Variants in ATP5F1B observed in about 807,000 individuals in gnomAD.
The protein encoded by ATP5F1B is ATP synthase F(1) complex subunit beta, mitochondrial.
A neutral mutation model predicts 45.9 loss-of-function variants in ATP5F1B; 17 were observed. The observed-to-expected ratio is 0.37, with a 90% confidence interval of 0.25 to 0.56. The LOEUF is 0.56. Among genes scored for constraint, ATP5F1B ranks in the 20% least tolerant of loss-of-function variants. The pLI is 0.80. For synonymous variants in ATP5F1B, 218 were observed against 256.5 expected (o/e 0.85, Z 1.43); for missense variants, 387 against 673.2 (o/e 0.57, Z 4.70).
At chr12:56,643,167 G>A in intron 5 of ATP5F1B, 2 of 488,410 alleles carry the variant, frequency 4.1e-6, no homozygotes, top group Non-Finnish European at 7.0e-6. Flanking sequence ...AAGAAAACCT[G>A]GAAATGTTAT....
In ATP5F1B at chr12:56,644,843, C is replaced by A. The variant is rs1424007996; in HGVS notation, c.423G>T (p.Leu141Phe). ...CTCCAATGACATTCATGATTCTGCC[C>A]AAAGTCTCAGGACCAACAGGAATTT... ...PIKIPVGPET[L>F]GRIMNVIGEP... The change falls in exon 3 of 10, where the codon TTG becomes TTT. Residue 141 changes from leucine to phenylalanine, a missense_variant. This residue lies in a region of ATP5F1B where 113 missense variants were observed against 168.0 expected (regional missense o/e 0.67). Coordinates refer to ENST00000262030, the MANE Select transcript of ATP5F1B (RefSeq NM_001686.4). 6.2e-7 allele frequency: 1 copy of A among 1,614,170 alleles called. No individual in the cohort carries two copies. The highest frequency in any genetic ancestry group is 1.7e-5 in the Admixed American group (1 of 60,006).
rs1375950454 is a variant in ATP5F1B at position 56,643,662 on chromosome 12, G to A, written c.608-75C>T. On this transcript the variant is annotated intron_variant, in intron 4 of 9. Transcript: ENST00000262030. ...TAAGCAAACTTCAAAAAAAGTAATTGCTTCCTTCCATCCTATTCCTTCTCA... is the reference window on the plus strand; with the variant it reads ...TAAGCAAACTTCAAAAAAAGTAATTACTTCCTTCCATCCTATTCCTTCTCA... 5 of 1,593,960 alleles carry A rather than the reference G, an allele frequency of 3.1e-6. No homozygotes were observed. The African/African-American group carries it at 6.7e-5, about 21-fold the overall frequency.
Position 56,640,886 on chromosome 12 carries a change from A to C in ATP5F1B, c.1075-694T>G, listed in dbSNP as rs1489301954. 8.7e-5 allele frequency among the ~76,000 whole-genome samples: 13 copies of C among 150,184 alleles called. No individual in the cohort carries two copies. The South Asian group carries it at 2.3e-3, about 27-fold the overall frequency. On this transcript the variant is annotated intron_variant, in intron 7 of 9. Coordinates refer to ENST00000262030, the MANE Select transcript of ATP5F1B (RefSeq NM_001686.4). ...GGTCTCTACTAAAAAAAAAAAAAAA[A>C]ACGGAAACAAAAATTAGCCAGGCAT...
At chr12:56,641,432 T>A (rs1330357437) in intron 7 of ATP5F1B, among the ~76,000 whole-genome samples, 1 of 151,780 alleles carries the variant, frequency 6.6e-6, no homozygotes, top group Non-Finnish European at 1.5e-5. Flanking sequence ...TTACACTGAA[T>A]CATGAAAAGT....
chr12:56,641,193 C>T (rs1380833415), intron 7 of ATP5F1B, among the ~76,000 whole-genome samples: 1 of 151,674 alleles, frequency 6.6e-6, no homozygotes, highest in African/African-American at 2.4e-5. Context: ...GGTGAAACCC[C>T]GTCTCTACTA....
intron 7 of ATP5F1B, among the ~76,000 whole-genome samples, chr12:56,642,075 C>T (rs1418946324): frequency 6.6e-6 from 1 of 151,892 alleles, no homozygotes; most frequent in African/African-American, 2.4e-5. Context: ...TGGCTCATTG[C>T]AACCTCTGCC....
In ATP5F1B at chr12:56,639,995, C is replaced by T; in HGVS notation, c.1272G>A (p.Val424=). The change falls in exon 8 of 10, where the codon GTG becomes GTA. Residue 424 remains valine (V), a synonymous_variant. Coordinates refer to ENST00000262030, the MANE Select transcript of ATP5F1B (RefSeq NM_001686.4). ...GSEHYDVARG[V]QKILQDYKSL... The stretch of plus-strand genomic sequence containing the variant: ...ATATACTCACCTGCAGGATCTTTTG[C>T]ACCCCACGGGCAACATCGTAATGCT... 3 of 1,613,936 alleles carry T rather than the reference C, an allele frequency of 1.9e-6. No individual in the cohort carries two copies. The highest frequency in any genetic ancestry group is 2.5e-6 in the Non-Finnish European group (3 of 1,179,946).
At chr12:56,644,413 C>T (rs1005397457) in intron 3 of ATP5F1B, among the ~76,000 whole-genome samples, 2 of 152,052 alleles carry the variant, frequency 1.3e-5, no homozygotes, top group African/African-American at 4.8e-5. Context: ...GAGTTCGAGA[C>T]CAGCCTGGCC....
rs767468553 is a variant in ATP5F1B, at chr12:56,642,470, G to T, written c.1062C>A (p.Ile354=). ...ERITTTKKGS[I]TSVQAIYVPA... ...TAATTTTTCTTACCTGTACAGAGGTGATAGATCCCTTCTTGGTAGTGGTAA... is the reference window on the plus strand; with the variant it reads ...TAATTTTTCTTACCTGTACAGAGGTTATAGATCCCTTCTTGGTAGTGGTAA... The change falls in exon 7 of 10, where the codon ATC becomes ATA. Residue 354 remains isoleucine (I), a synonymous_variant. Coordinates refer to ENST00000262030, the MANE Select transcript of ATP5F1B (RefSeq NM_001686.4). The T allele has an allele frequency of 2.5e-6, 4 of 1,613,814 alleles. No homozygotes were observed. In the South Asian group the frequency reaches 4.4e-5, roughly 18 times the overall value.
chr12:56,641,228 G>A (rs1353705546), intron 7 of ATP5F1B, among the ~76,000 whole-genome samples: 1 of 151,674 alleles, frequency 6.6e-6, no homozygotes, highest in Non-Finnish European at 1.5e-5. Flanking sequence ...AACCGGGCCT[G>A]GTGTCGGGCA....
At chr12:56,639,534 G>A in intron 8 of ATP5F1B, 1 of 528,570 alleles carries the variant, frequency 1.9e-6, no homozygotes, top group South Asian at 2.0e-5. Flanking sequence ...ACCACTTTGG[G>A]AGGCCACGGT....
rs566970214 is a variant in ATP5F1B at position 56,641,093 on chromosome 12, A to G, written c.1075-901T>C. ...AAAAAATAAAAAAGAGGCTGGGCAC[A>G]GTGGCTCAAGCCTATAATCCCAACA... On this transcript the variant is annotated intron_variant, in intron 7 of 9. Coordinates refer to ENST00000262030, the MANE Select transcript of ATP5F1B (RefSeq NM_001686.4). Among the ~76,000 whole-genome samples the G allele has an allele frequency of 4.0e-5, 6 of 151,844 alleles. No individual in the cohort carries two copies. In the South Asian group the frequency reaches 1.0e-3, roughly 26 times the overall value.
intron 9 of ATP5F1B, among the ~76,000 whole-genome samples, 194 bp downstream of exon 9, chr12:56,638,912 A>G (rs1951491972): frequency 6.6e-6 from 1 of 152,206 alleles, no homozygotes; most frequent in Non-Finnish European, 1.5e-5. Context: ...TATAAAATAA[A>G]AGGGAGCTAG....
intron 4 of ATP5F1B, 111 bp downstream of exon 4, chr12:56,643,726 A>C (rs773807592): frequency 7.3e-5 from 116 of 1,578,444 alleles, no homozygotes; most frequent in Non-Finnish European, 1.0e-4. Flanking sequence ...GAAGAACGAA[A>C]GTCAGAACGT....
intron 8 of ATP5F1B, 103 bp from the exon 9 acceptor site, chr12:56,639,410 T>G (rs772491478): frequency 3.8e-5 from 40 of 1,043,662 alleles, no homozygotes; most frequent in Non-Finnish European, 5.3e-5. Context: ...GGTGGTGGTG[T>G]TATGAGGGCC....
intron 3 of ATP5F1B, among the ~76,000 whole-genome samples, 162 bp from the exon 4 acceptor site, chr12:56,644,120 TCTAACC>T (rs200674520): frequency 0.045 from 6,790 of 152,210 alleles, 207 homozygotes; most frequent in Non-Finnish European, 0.068. Flanking sequence ...TCATCTAGGA[TCTAACC>T]CAACTTTCTG....
Position 56,638,269 on chromosome 12 carries a change from G to A in ATP5F1B, c.*54C>T. On this transcript the variant is annotated 3_prime_UTR_variant, in exon 10 of 10. Transcript: ENST00000262030. ...TCTTGTGCAGCCTACACAGAAAAAT[G>A]AAGCTTTTTGGGTTAGGGGCAAGGA... The A allele has an allele frequency of 6.8e-7, 1 of 1,462,454 alleles. No homozygotes were observed. Among genetic ancestry groups the A allele is most frequent in the Non-Finnish European group, 9.5e-7 (1 of 1,051,558 alleles). The allele number at this position is 1,462,454 out of a possible 1,614,324, so 90.6% of individuals were successfully genotyped here.
chr12:56,645,867 G>A lies in ATP5F1B; in HGVS notation c.97C>T (p.Leu33=), dbSNP rs1309490773. 1.9e-6 allele frequency: 3 copies of A among 1,609,536 alleles called. No homozygotes were observed. The highest frequency in any genetic ancestry group is 1.7e-5 in the Admixed American group (1 of 59,346). ...SASLPPAQLL[L]RAAPTAVHPV... is the part of the protein sequence containing the mutation. ...TGGACCGCCGTCGGAGCGGCCCGCA[G>A]TAAGAGCTGAGCTGGGGGCAGCGAC... The change falls in exon 1 of 10, where the codon CTG becomes TTG. Residue 33 remains leucine, a synonymous_variant. Coordinates refer to ENST00000262030, the MANE Select transcript of ATP5F1B (RefSeq NM_001686.4).
chr12:56,642,752 T>G lies in ATP5F1B; in HGVS notation c.872A>C (p.Glu291Ala). The G allele has an allele frequency of 6.2e-7, 1 of 1,614,152 alleles. No homozygotes were observed. The highest frequency in any genetic ancestry group is 1.1e-5 in the South Asian group (1 of 91,076). The stretch of plus-strand genomic sequence containing the variant: ...TTGACCTTCTTGGTCTCTGAAGTAT[T>G]CAGCCACAGTCAGCCCAGTCAGAGC... ...RVALTGLTVA[E>A]YFRDQEGQDV... Residue 291 changes from glutamate (E) to alanine (A), a missense_variant, in exon 6 of 10, where the codon GAA (glutamate) becomes GCA (alanine). Glu to Ala is a moderately radical substitution (Grantham distance 107). Around this residue, in one of 6 missense-constraint regions of ATP5F1B, gnomAD observed 154 missense variants for 361.4 expected, o/e 0.43. Transcript: ENST00000262030.
Sources: gnomAD v4.1 joint callset for allele counts (sites outside exome capture counted in the v4.1 genomes callset) on GRCh38, gnomAD v4.1.1 for gene constraint, gnomAD v4.1.1 regional missense constraint, MANE v1.5 for transcripts, NCBI Gene and HGNC (gene_info 2026-07-23, HGNC 2026-07-21) for gene names.